The following NRXN3 variants were observed in gnomAD, a reference collection of about 807,000 sequenced individuals.
NRXN3 encodes neurexin III.
A neutral mutation model predicts 137.6 loss-of-function variants in NRXN3; 32 were observed. The observed-to-expected ratio is 0.23, with a 90% CI of 0.18 to 0.31. NRXN3 has a LOEUF of 0.31. Among genes scored for constraint, NRXN3 ranks in the 10% least tolerant of loss-of-function variants. The probability of loss-of-function intolerance (pLI) is 1.00; values close to 1 mark genes in which losing one functional copy is unlikely to be tolerated. For missense variants in NRXN3, 1,574 were observed against 2,062.5 expected, an observed-to-expected ratio of 0.76 and a Z score of 4.59; for synonymous variants, 798 against 784.5, an observed-to-expected ratio of 1.02 and a Z score of -0.29.
Position 78,672,985 on chromosome 14 carries a change from C to T in NRXN3, c.1221+21659C>T, listed in dbSNP as rs117735605. 2.4e-4 allele frequency among the ~76,000 whole-genome samples: 37 copies of T among 152,266 alleles called. No homozygotes were observed. The East Asian group carries it at 5.6e-3, about 23-fold the overall frequency. ...CTAAAAGAGATTTGAAAATTGTGGA[C>T]TCTGATAACACTGCTAGTTGTCATG... On this transcript the variant is annotated intron_variant, in intron 6 of 20. Transcript: ENST00000335750.
chr14:78,337,261 G>C (rs1342550919), intron 4 of NRXN3, among the ~76,000 whole-genome samples: 1 of 152,124 alleles, frequency 6.6e-6, no homozygotes, highest in Non-Finnish European at 1.5e-5. Flanking sequence ...TGTACAGAGG[G>C]AATTACATGA....
intron 15 of NRXN3, among the ~76,000 whole-genome samples, chr14:79,216,157 G>A (rs553166149): frequency 3.9e-5 from 6 of 152,222 alleles, no homozygotes; most frequent in African/African-American, 7.2e-5. Context: ...CTTTATTCAC[G>A]TGTCTGTGTC....
At chr14:79,040,732 T>G (rs1053240024) in intron 15 of NRXN3, among the ~76,000 whole-genome samples, 10 of 152,130 alleles carry the variant, frequency 6.6e-5, no homozygotes. Context: ...AAGAAACTGA[T>G]GAGGGCTGGG....
intron 15 of NRXN3, among the ~76,000 whole-genome samples, chr14:79,187,660 C>CAAAAAAAA (rs1272684800): frequency 1.5e-4 from 3 of 20,298 alleles, no homozygotes; most frequent in African/African-American, 5.5e-4. Flanking sequence ...GACTCCGTCT[C>CAAAAAAAA]AAAAAAAAAA....
At chr14:79,073,179 G>C (rs763242637) in intron 15 of NRXN3, among the ~76,000 whole-genome samples, 1 of 151,994 alleles carries the variant, frequency 6.6e-6, no homozygotes, top group African/African-American at 2.4e-5. Context: ...GAGCCACCGC[G>C]CCCGGCCCGT....
intron 4 of NRXN3, among the ~76,000 whole-genome samples, chr14:78,463,399 C>A (rs1414613489): frequency 6.6e-6 from 1 of 151,642 alleles, no homozygotes; most frequent in East Asian, 1.9e-4. Flanking sequence ...ATTTCTTCTC[C>A]TTTGGGTAGA....
At chr14:78,351,151 T>G (rs2083434099) in intron 4 of NRXN3, among the ~76,000 whole-genome samples, 1 of 152,190 alleles carries the variant, frequency 6.6e-6, no homozygotes, top group South Asian at 2.1e-4. Flanking sequence ...TTCTATAGTT[T>G]TCTGCAAATT....
chr14:79,384,245 G>C (rs2094543911), intron 15 of NRXN3, among the ~76,000 whole-genome samples: 2 of 152,238 alleles, frequency 1.3e-5, no homozygotes, highest in East Asian at 3.9e-4. Flanking sequence ...TGTGGGTGTT[G>C]GAGAGGGAGG....
chr14:79,617,922 A>G (rs1470245954), intron 16 of NRXN3, among the ~76,000 whole-genome samples: 1 of 150,320 alleles, frequency 6.7e-6, no homozygotes. Context: ...AGCAGCAAAA[A>G]AAAAAAAAAA....
chr14:78,585,561 G>A (rs950686307), intron 4 of NRXN3, among the ~76,000 whole-genome samples: 3 of 152,188 alleles, frequency 2.0e-5, no homozygotes, highest in Non-Finnish European at 4.4e-5. Context: ...CATAATCCAG[G>A]TGGCTTGGCC....
intron 15 of NRXN3, among the ~76,000 whole-genome samples, chr14:79,183,541 C>T (rs996434749): frequency 8.5e-5 from 13 of 152,182 alleles, no homozygotes; most frequent in Admixed American, 1.3e-4. Context: ...ATTATATGCT[C>T]ATTAAAAATA....
chr14:78,458,178 T>TAG (rs1486313413), intron 4 of NRXN3, among the ~76,000 whole-genome samples: 1 of 152,178 alleles, frequency 6.6e-6, no homozygotes, highest in Non-Finnish European at 1.5e-5. Context: ...CCTTCTGACC[T>TAG]AGAGAGAGAC....
At chr14:78,631,848 C>G (rs1282206292) in intron 4 of NRXN3, among the ~76,000 whole-genome samples, 1 of 152,030 alleles carries the variant, frequency 6.6e-6, no homozygotes, top group Non-Finnish European at 1.5e-5. Flanking sequence ...AATCCCAGCA[C>G]TTTGGAGGCT....
At chr14:79,510,130 C>T (rs976284238) in intron 16 of NRXN3, among the ~76,000 whole-genome samples, 7 of 152,128 alleles carry the variant, frequency 4.6e-5, no homozygotes, top group Admixed American at 2.0e-4. Context: ...GCTTCTTTTC[C>T]GTTTACCTAA....
At chr14:79,018,091 C>T (rs1242026026) in intron 15 of NRXN3, among the ~76,000 whole-genome samples, 2 of 151,480 alleles carry the variant, frequency 1.3e-5, no homozygotes, top group African/African-American at 4.9e-5. Flanking sequence ...GAAACCCCAT[C>T]TCTACTAAAA....
intron 15 of NRXN3, among the ~76,000 whole-genome samples, chr14:79,184,946 A>T (rs1167890738): frequency 6.6e-6 from 1 of 152,164 alleles, no homozygotes; most frequent in Non-Finnish European, 1.5e-5. Flanking sequence ...TTTTGATATC[A>T]TGTGGCATTT....
At position 78,605,630 on chromosome 14, in the gene NRXN3, T is replaced by C. The variant is rs143241913; in HGVS notation, c.758-39490T>C. Among the ~76,000 whole-genome samples, 37 of 152,302 alleles carry C rather than the reference T, an allele frequency of 2.4e-4. 1 individual carries two copies. The East Asian group carries it at 7.2e-3, about 29-fold the overall frequency. On this transcript the variant is annotated intron_variant, in intron 4 of 20. Coordinates refer to ENST00000335750, the MANE Select transcript of NRXN3 (RefSeq NM_001330195.2). ...GAGGCGCCATCTCTGGGTATTTTTC[T>C]ATCAAATCTTTACTCATTTTACAGT...
intron 19 of NRXN3, among the ~76,000 whole-genome samples, chr14:79,793,053 G>C (rs1365442940): frequency 6.6e-6 from 1 of 152,160 alleles, no homozygotes; most frequent in Non-Finnish European, 1.5e-5. Context: ...GTTAGAGTGG[G>C]AGCATGTGCA....
chr14:79,676,315 G>A (rs763607365), intron 17 of NRXN3, among the ~76,000 whole-genome samples: 10 of 147,278 alleles, frequency 6.8e-5, no homozygotes, highest in Admixed American at 6.7e-5. Flanking sequence ...AAACCATGTA[G>A]TATTTAAAAT....
Sources: gnomAD v4.1 joint callset for allele counts (sites outside exome capture counted in the v4.1 genomes callset) on GRCh38, gnomAD v4.1.1 for gene constraint, MANE v1.5 for transcripts, NCBI Gene and HGNC (gene_info 2026-07-23, HGNC 2026-07-21) for gene names.